Variants in SPTLC3 observed in about 807,000 individuals in gnomAD.
SPTLC3 encodes the protein serine palmitoyltransferase 3.
In SPTLC3, 36 loss-of-function variants were observed where a neutral mutation model predicts 59.3. That is an observed-to-expected ratio of 0.61 (90% confidence interval 0.47 to 0.80). The LOEUF is 0.80. Ranked by LOEUF, SPTLC3 falls within the 30% of genes least tolerant of loss-of-function variation. The probability of loss-of-function intolerance (pLI) is 0.00; values close to 1 mark genes in which losing one functional copy is unlikely to be tolerated. For missense variants in SPTLC3, 625 were observed against 685.1 expected, an observed-to-expected ratio of 0.91 and a Z score of 0.98; for synonymous variants, 257 against 240.8, an observed-to-expected ratio of 1.07 and a Z score of -0.62.
At chr20:13,110,665 G>A (rs1394980939) in intron 7 of SPTLC3, among the ~76,000 whole-genome samples, 2 of 152,080 alleles carry the variant, frequency 1.3e-5, no homozygotes, top group African/African-American at 4.8e-5. Context: ...GTTAGTGATT[G>A]CCATCAATAC....
intron 6 of SPTLC3, among the ~76,000 whole-genome samples, chr20:13,107,470 C>T (rs1344959940): frequency 3.3e-5 from 5 of 152,120 alleles, no homozygotes; most frequent in African/African-American, 1.2e-4. Flanking sequence ...GTGTCAAATG[C>T]TGCCCACGGT....
At chr20:13,094,962 A>G (rs1202756709) in intron 6 of SPTLC3, among the ~76,000 whole-genome samples, 1 of 152,222 alleles carries the variant, frequency 6.6e-6, no homozygotes, top group Non-Finnish European at 1.5e-5. Flanking sequence ...TTTCGGCTTT[A>G]GACTTGGATA....
chr20:13,028,440 A>G (rs1555787423), intron 1 of SPTLC3, among the ~76,000 whole-genome samples: 1 of 152,080 alleles, frequency 6.6e-6, no homozygotes, highest in Non-Finnish European at 1.5e-5. Context: ...AGATCTAATA[A>G]CCCCTTATCC....
At chr20:13,071,941 A>G (rs779742828) in intron 2 of SPTLC3, among the ~76,000 whole-genome samples, 6 of 152,118 alleles carry the variant, frequency 3.9e-5, no homozygotes, top group Non-Finnish European at 7.4e-5. Context: ...TTTTTTTCCA[A>G]CGAAACTGCT....
chr20:13,115,482 G>A (rs1018124114), intron 7 of SPTLC3, among the ~76,000 whole-genome samples: 1 of 151,982 alleles, frequency 6.6e-6, no homozygotes, highest in African/African-American at 2.4e-5. Context: ...ATTAACTTTG[G>A]CTTCTGTCAA....
chr20:13,080,986 T>C (rs1027964771), intron 4 of SPTLC3, among the ~76,000 whole-genome samples: 1 of 152,174 alleles, frequency 6.6e-6, no homozygotes, highest in Non-Finnish European at 1.5e-5. Context: ...TTTAGCACCA[T>C]GGTCAAGAAC....
chr20:13,071,552 A>G (rs1988435996), intron 2 of SPTLC3, among the ~76,000 whole-genome samples: 2 of 152,212 alleles, frequency 1.3e-5, no homozygotes, highest in African/African-American at 4.8e-5. Flanking sequence ...CTTCAGCCTC[A>G]AAGAGCATGT....
chr20:13,031,392 G>A (rs1986440473), intron 1 of SPTLC3, among the ~76,000 whole-genome samples: 1 of 152,146 alleles, frequency 6.6e-6, no homozygotes, highest in Admixed American at 6.6e-5. Context: ...AACCGTGAGA[G>A]CAGGGCCTCT....
chr20:13,121,836 G>C (rs2037874202), intron 8 of SPTLC3, among the ~76,000 whole-genome samples: 1 of 152,098 alleles, frequency 6.6e-6, no homozygotes, highest in African/African-American at 2.4e-5. Context: ...TAAAATTTTG[G>C]GCAAGATAGT....
intron 6 of SPTLC3, among the ~76,000 whole-genome samples, chr20:13,096,729 C>T (rs1024743759): frequency 5.9e-5 from 9 of 151,976 alleles, no homozygotes; most frequent in Non-Finnish European, 1.2e-4. Flanking sequence ...TTAAATTCAT[C>T]GAATTGTACA....
rs1990145501 is a variant in SPTLC3, at chr20:13,110,168, A to C, written c.883A>C (p.Thr295Pro). The C allele has an allele frequency of 5.0e-6, 8 of 1,613,708 alleles. No homozygotes were observed. The highest frequency in any genetic ancestry group is 6.8e-6 in the Non-Finnish European group (8 of 1,179,764). Residue 295 changes from threonine (T) to proline (P), a missense_variant, in exon 7 of 12, where the codon ACC becomes CCC. Transcript: ENST00000399002. ...TGCTGTCATCTATGGCCAGCCTCGA[A>C]CCCGCAGAGCTTGGAAAAAGATTCT... is the stretch of plus-strand genomic sequence containing the variant. ...RDAVIYGQPR[T>P]RRAWKKILIL... is the part of the protein sequence containing the mutation.
intron 8 of SPTLC3, among the ~76,000 whole-genome samples, chr20:13,123,163 T>C (rs879539492): frequency 6.6e-6 from 1 of 152,056 alleles, no homozygotes; most frequent in Admixed American, 6.5e-5. Flanking sequence ...AAACCCCATC[T>C]CTACTAAAAA....
intron 6 of SPTLC3, among the ~76,000 whole-genome samples, chr20:13,097,321 T>C (rs1989452271): frequency 6.6e-6 from 1 of 152,020 alleles, no homozygotes; most frequent in Non-Finnish European, 1.5e-5. Flanking sequence ...AGAATGTATG[T>C]ACTTCAAAAA....
At chr20:13,067,633 C>T (rs1988273496) in intron 2 of SPTLC3, among the ~76,000 whole-genome samples, 1 of 152,040 alleles carries the variant, frequency 6.6e-6, no homozygotes, top group Non-Finnish European at 1.5e-5. Flanking sequence ...CTGAGTCTGC[C>T]ATCTTTATTC....
At chr20:13,069,698 C>A (rs1239020633) in intron 2 of SPTLC3, among the ~76,000 whole-genome samples, 1 of 152,242 alleles carries the variant, frequency 6.6e-6, no homozygotes, top group South Asian at 2.1e-4. Flanking sequence ...CTTGGGGACC[C>A]CTGCTCTGTG....
intron 8 of SPTLC3, among the ~76,000 whole-genome samples, chr20:13,122,393 C>T (rs1207518560): frequency 1.3e-5 from 2 of 152,166 alleles, no homozygotes; most frequent in Admixed American, 6.5e-5. Context: ...GGGAAAGTAC[C>T]GCAGGGTAAG....
At chr20:13,164,674 G>A (rs1186070495) in intron 11 of SPTLC3, 80 bp from the exon 12 acceptor site, 2 of 1,010,702 alleles carry the variant, frequency 2.0e-6, no homozygotes, top group Admixed American at 2.2e-5. Context: ...TCTTTGTGAG[G>A]CTTGCTATTA....
intron 4 of SPTLC3, among the ~76,000 whole-genome samples, chr20:13,081,713 C>T (rs1475564425): frequency 1.3e-5 from 2 of 152,088 alleles, no homozygotes; most frequent in Non-Finnish European, 1.5e-5. Flanking sequence ...TAGCAATGAA[C>T]GTCCCAACTC....
At chr20:13,104,381 T>C (rs1989753599) in intron 6 of SPTLC3, among the ~76,000 whole-genome samples, 1 of 152,110 alleles carries the variant, frequency 6.6e-6, no homozygotes, top group African/African-American at 2.4e-5. Flanking sequence ...TCTCACGAGA[T>C]CTAATGGTGT....
Sources: gnomAD v4.1 joint callset for allele counts (sites outside exome capture counted in the v4.1 genomes callset) on GRCh38, gnomAD v4.1.1 for gene constraint, MANE v1.5 for transcripts, NCBI Gene and HGNC (gene_info 2026-07-23, HGNC 2026-07-21) for gene names.